NALF1: variants seen among roughly 807,000 people sequenced by gnomAD.
The protein encoded by NALF1 is NALCN channel auxiliary factor 1.
Under a neutral mutation model 48.4 loss-of-function variants are expected in NALF1, and 3 were observed. The observed-to-expected ratio is 0.06, with a 90% confidence interval of 0.03 to 0.16. The LOEUF (loss-of-function observed/expected upper bound fraction) is 0.16, where lower values mean the gene tolerates loss of function less well. Among genes scored for constraint, NALF1 ranks in the 10% least tolerant of loss-of-function variants. NALF1 has a pLI of 1.00. For synonymous variants in NALF1, 262 were observed against 245.7 expected (o/e 1.07, Z -0.62); for missense variants, 526 against 571.5 (o/e 0.92, Z 0.81).
chr13:107,341,016 A>AT (rs983244652), intron 1 of NALF1, among the ~76,000 whole-genome samples: 1 of 151,998 alleles, frequency 6.6e-6, no homozygotes, highest in African/African-American at 2.4e-5. Flanking sequence ...TTACTGCCCA[A>AT]TTTTTTCATC....
intron 2 of NALF1, among the ~76,000 whole-genome samples, chr13:107,194,039 T>A: frequency 6.8e-6 from 1 of 148,116 alleles, no homozygotes; most frequent in African/African-American, 2.6e-5. Context: ...TATCTATCTA[T>A]CTATCTATCT....
chr13:107,383,815 G>T (rs975897957), intron 1 of NALF1, among the ~76,000 whole-genome samples: 2 of 152,166 alleles, frequency 1.3e-5, no homozygotes, highest in African/African-American at 4.8e-5. Flanking sequence ...TGAAAAATTA[G>T]TAACATAGGA....
chr13:107,662,336 C>A (rs1023100538), intron 1 of NALF1, among the ~76,000 whole-genome samples: 1 of 152,120 alleles, frequency 6.6e-6, no homozygotes, highest in African/African-American at 2.4e-5. Flanking sequence ...TCATTGTTTC[C>A]AGGACATGTT....
At chr13:107,518,892 G>A (rs1029883993) in intron 1 of NALF1, among the ~76,000 whole-genome samples, 1 of 152,170 alleles carries the variant, frequency 6.6e-6, no homozygotes, top group African/African-American at 2.4e-5. Context: ...CAGGAGAAAT[G>A]AAAGTGGGAT....
At chr13:107,221,039 T>C (rs76755762) in intron 1 of NALF1, among the ~76,000 whole-genome samples, 4,987 of 152,156 alleles carry the variant, frequency 0.033, 271 homozygotes, top group African/African-American at 0.11. Context: ...AAAAACCAAA[T>C]ACTGCATATT....
intron 1 of NALF1, among the ~76,000 whole-genome samples, chr13:107,499,806 T>C (rs1875459390): frequency 6.6e-6 from 1 of 152,188 alleles, no homozygotes; most frequent in Non-Finnish European, 1.5e-5. Flanking sequence ...TGTCTCTTTT[T>C]CTTCAGATTA....
intron 1 of NALF1, among the ~76,000 whole-genome samples, chr13:107,232,213 G>A (rs1880241920): frequency 6.6e-6 from 1 of 152,190 alleles, no homozygotes; most frequent in African/African-American, 2.4e-5. Context: ...GGCATGCCCT[G>A]TTATTCCTAC....
chr13:107,654,157 A>G (rs368353857), intron 1 of NALF1, among the ~76,000 whole-genome samples: 1 of 152,140 alleles, frequency 6.6e-6, no homozygotes, highest in Non-Finnish European at 1.5e-5. Flanking sequence ...CCAAGAAAAA[A>G]AGAGAGAAGA....
At chr13:107,170,849 A>C in intron 2 of NALF1, 63 bp from the exon 3 acceptor site, 1 of 1,478,374 alleles carries the variant, frequency 6.8e-7, no homozygotes, top group Non-Finnish European at 9.3e-7. Flanking sequence ...TAGTAGAGTG[A>C]AGCTGTTGCT....
At chr13:107,563,081 A>G (rs866304187) in intron 1 of NALF1, among the ~76,000 whole-genome samples, 1 of 152,222 alleles carries the variant, frequency 6.6e-6, no homozygotes, top group African/African-American at 2.4e-5. Context: ...TTAGATTAAT[A>G]ACAACAACAA....
chr13:107,689,896 A>G (rs1881527267), intron 1 of NALF1, among the ~76,000 whole-genome samples: 1 of 152,228 alleles, frequency 6.6e-6, no homozygotes, highest in Non-Finnish European at 1.5e-5. Context: ...TACAAACAAT[A>G]TAGCTCCCTG....
chr13:107,694,549 C>T (rs1263028228), intron 1 of NALF1, among the ~76,000 whole-genome samples: 1 of 151,392 alleles, frequency 6.6e-6, no homozygotes, highest in Admixed American at 6.6e-5. Flanking sequence ...AGACTGGGAC[C>T]CCACAAAAAA....
intron 1 of NALF1, among the ~76,000 whole-genome samples, chr13:107,702,364 T>C (rs916222144): frequency 6.6e-6 from 1 of 152,198 alleles, no homozygotes; most frequent in Non-Finnish European, 1.5e-5. Flanking sequence ...TATATACCTC[T>C]TCTTAATAAC....
At chr13:107,562,478 G>A (rs1431579348) in intron 1 of NALF1, among the ~76,000 whole-genome samples, 1 of 152,148 alleles carries the variant, frequency 6.6e-6, no homozygotes, top group Non-Finnish European at 1.5e-5. Context: ...TGCTTTGTAT[G>A]CATCCCAGAT....
At chr13:107,517,739 G>T (rs1876108916) in intron 1 of NALF1, among the ~76,000 whole-genome samples, 1 of 152,136 alleles carries the variant, frequency 6.6e-6, no homozygotes, top group Non-Finnish European at 1.5e-5. Context: ...TGGATTATCT[G>T]AGGTCAGGTG....
intron 1 of NALF1, among the ~76,000 whole-genome samples, chr13:107,390,904 ATAATAG>A: frequency 6.8e-6 from 1 of 147,864 alleles, no homozygotes; most frequent in South Asian, 2.2e-4. Context: ...AATAATAATA[ATAATAG>A]AGGCTGTTTT....
chr13:107,225,834 C>A, intron 1 of NALF1, among the ~76,000 whole-genome samples: 1 of 152,118 alleles, frequency 6.6e-6, no homozygotes, highest in East Asian at 1.9e-4. Flanking sequence ...CGCACGCACA[C>A]ACACACGCAT....
chr13:107,369,420 G>A (rs1273122918), intron 1 of NALF1, among the ~76,000 whole-genome samples: 1 of 151,944 alleles, frequency 6.6e-6, no homozygotes, highest in East Asian at 1.9e-4. Context: ...TATCTTTCCA[G>A]TATTTATATA....
At position 107,534,640 on chromosome 13, in the gene NALF1, T is replaced by G. The variant is rs551594671; in HGVS notation, c.916-323885A>C. ...AAGCCAGTATTTCCTACATTTTAGC[T>G]GAGGAATTTGTTAAAACATGCAGAC... On this transcript the variant is annotated intron_variant, in intron 1 of 2. Coordinates refer to ENST00000375915, the MANE Select transcript of NALF1 (RefSeq NM_001080396.3). 1.5e-3 allele frequency among the ~76,000 whole-genome samples: 231 copies of G among 152,296 alleles called. 1 individual carries two copies. Among genetic ancestry groups the G allele is most frequent in the Non-Finnish European group, 1.4e-3 (97 of 68,022 alleles).
Sources: allele counts gnomAD v4.1 joint callset (sites outside exome capture counted in the v4.1 genomes callset), GRCh38; gene constraint gnomAD v4.1.1; transcripts MANE v1.5; gene names NCBI Gene and HGNC (gene_info 2026-07-23, HGNC 2026-07-21).